Variants in SLC9A9 observed in about 807,000 individuals in gnomAD.
SLC9A9 encodes solute carrier family 9 member A9.
In SLC9A9, 62 loss-of-function variants were observed where a neutral mutation model predicts 77.8. The observed-to-expected ratio is 0.80, with a 90% CI of 0.65 to 0.98. SLC9A9 has a LOEUF of 0.98. Among genes scored for constraint, SLC9A9 ranks in the 50% least tolerant of loss-of-function variants. The pLI, the probability that SLC9A9 is intolerant of heterozygous loss-of-function variation, is 0.00. For missense variants in SLC9A9, 775 were observed against 774.9 expected, an observed-to-expected ratio of 1.00 and a Z score of 0.00; for synonymous variants, 320 against 283.5, an observed-to-expected ratio of 1.13 and a Z score of -1.29.
intron 5 of SLC9A9, among the ~76,000 whole-genome samples, chr3:143,653,457 G>A (rs1261256660): frequency 6.6e-6 from 1 of 152,148 alleles, no homozygotes; most frequent in African/African-American, 2.4e-5. Context: ...GGCAGAATGG[G>A]TATTTTTAAT....
chr3:143,368,380 A>C (rs2032964388), intron 13 of SLC9A9, among the ~76,000 whole-genome samples: 1 of 152,232 alleles, frequency 6.6e-6, no homozygotes, highest in Non-Finnish European at 1.5e-5. Flanking sequence ...TTATTGTATT[A>C]ACTTTGATGA....
intron 9 of SLC9A9, among the ~76,000 whole-genome samples, chr3:143,541,246 C>T (rs1412005451): frequency 6.6e-6 from 1 of 152,186 alleles, no homozygotes; most frequent in African/African-American, 2.4e-5. Flanking sequence ...GTTTCACTTG[C>T]TCTGGGCAAA....
At position 143,497,091 on chromosome 3, in the gene SLC9A9, G is replaced by C. The variant is rs574380765; in HGVS notation, c.1090-1643C>G. Among the ~76,000 whole-genome samples, 3 of 152,284 alleles carry C rather than the reference G, an allele frequency of 2.0e-5. No individual in the cohort carries two copies. In the South Asian group the frequency reaches 6.2e-4, roughly 32 times the overall value. On this transcript the variant is annotated intron_variant, in intron 9 of 15. Coordinates refer to ENST00000316549, the MANE Select transcript of SLC9A9 (RefSeq NM_173653.4). Reference sequence around the variant, plus strand: ...CCTCACCTCCAAATATCATCACAATGGGGATTAGAGCTTCAACATATGAAT... The same window carrying C: ...CCTCACCTCCAAATATCATCACAATCGGGATTAGAGCTTCAACATATGAAT...
chr3:143,328,207 T>G (rs1041456268), intron 14 of SLC9A9, among the ~76,000 whole-genome samples: 12 of 152,206 alleles, frequency 7.9e-5, no homozygotes, highest in African/African-American at 2.9e-4. Flanking sequence ...CGGCTAATAA[T>G]GTGTCAATAT....
intron 6 of SLC9A9, among the ~76,000 whole-genome samples, chr3:143,608,675 A>G (rs1477587428): frequency 6.6e-6 from 1 of 152,224 alleles, no homozygotes; most frequent in Admixed American, 6.5e-5. Context: ...CCATTTATGT[A>G]AAATTTTAAA....
At chr3:143,324,361 A>G (rs147383582) in intron 14 of SLC9A9, among the ~76,000 whole-genome samples, 4,306 of 152,326 alleles carry the variant, frequency 0.028, 77 homozygotes, top group South Asian at 0.041. Flanking sequence ...CTGTTGTGTC[A>G]GACCAATCTG....
intron 4 of SLC9A9, among the ~76,000 whole-genome samples, chr3:143,706,900 G>A (rs1933996269): frequency 6.6e-6 from 1 of 152,080 alleles, no homozygotes; most frequent in South Asian, 2.1e-4. Context: ...TGTGTCCCAG[G>A]GAAGCCAAAA....
chr3:143,571,629 T>TAA (rs11384128), intron 8 of SLC9A9, among the ~76,000 whole-genome samples: 35 of 151,284 alleles, frequency 2.3e-4, no homozygotes, highest in South Asian at 6.3e-4. Context: ...AAGCATGACT[T>TAA]AAAAAAAAAT....
intron 4 of SLC9A9, among the ~76,000 whole-genome samples, chr3:143,716,924 A>G (rs187729583): frequency 2.6e-5 from 4 of 152,276 alleles, no homozygotes; most frequent in Admixed American, 6.5e-5. Flanking sequence ...ACTGACCACA[A>G]CTCGTGAGAC....
At chr3:143,629,666 C>T (rs1357527174) in intron 6 of SLC9A9, among the ~76,000 whole-genome samples, 2 of 151,832 alleles carry the variant, frequency 1.3e-5, no homozygotes, top group African/African-American at 4.8e-5. Flanking sequence ...TGCCAAGACA[C>T]TCCATTTAAA....
chr3:143,317,931 G>A (rs961202340), intron 14 of SLC9A9, among the ~76,000 whole-genome samples: 3 of 152,140 alleles, frequency 2.0e-5, no homozygotes, highest in Non-Finnish European at 4.4e-5. Context: ...GTTTCACCGT[G>A]TTAGCCAGGA....
intron 1 of SLC9A9, among the ~76,000 whole-genome samples, chr3:143,837,742 G>C (rs56010653): frequency 0.079 from 11,975 of 152,200 alleles, 1,477 homozygotes; most frequent in African/African-American, 0.26. Flanking sequence ...ATGGGTATGT[G>C]ACCCTATTCC....
chr3:143,645,865 C>A (rs907040398), intron 6 of SLC9A9, among the ~76,000 whole-genome samples: 1 of 151,760 alleles, frequency 6.6e-6, no homozygotes, highest in African/African-American at 2.4e-5. Context: ...TTATTGTCAT[C>A]CAAGAGTCAG....
At chr3:143,467,708 G>A (rs1212638618) in intron 11 of SLC9A9, among the ~76,000 whole-genome samples, 1 of 137,440 alleles carries the variant, frequency 7.3e-6, no homozygotes, top group Non-Finnish European at 1.6e-5. Context: ...CTGAGTGACA[G>A]AATAAGTCCC....
chr3:143,275,859 C>A (rs918554014), intron 14 of SLC9A9, among the ~76,000 whole-genome samples: 1 of 152,114 alleles, frequency 6.6e-6, no homozygotes, highest in Non-Finnish European at 1.5e-5. Context: ...GACCTCTATT[C>A]GTTTCTATTA....
chr3:143,419,851 T>TAA (rs533977975), intron 12 of SLC9A9, among the ~76,000 whole-genome samples: 287 of 152,312 alleles, frequency 1.9e-3, no homozygotes, highest in African/African-American at 6.7e-3. Flanking sequence ...GGAGTCCTTT[T>TAA]AGTGTCTGAG....
chr3:143,619,718 A>G (rs1410026740), intron 6 of SLC9A9, among the ~76,000 whole-genome samples: 2 of 152,210 alleles, frequency 1.3e-5, no homozygotes, highest in Non-Finnish European at 2.9e-5. Flanking sequence ...GACCACCCAC[A>G]TGGACAGCAG....
intron 4 of SLC9A9, among the ~76,000 whole-genome samples, chr3:143,720,941 T>C (rs946766847): frequency 6.6e-6 from 1 of 151,874 alleles, no homozygotes; most frequent in Non-Finnish European, 1.5e-5. Flanking sequence ...AAGAACAAAG[T>C]CCAAGGCCTG....
chr3:143,413,333 T>C (rs1197214159), intron 12 of SLC9A9, among the ~76,000 whole-genome samples: 1 of 152,122 alleles, frequency 6.6e-6, no homozygotes, highest in Non-Finnish European at 1.5e-5. Flanking sequence ...TCAGGAAGTT[T>C]GAAAAGATGC....
Sources: gnomAD v4.1 joint callset for allele counts (sites outside exome capture counted in the v4.1 genomes callset) on GRCh38, gnomAD v4.1.1 for gene constraint, MANE v1.5 for transcripts, NCBI Gene and HGNC (gene_info 2026-07-23, HGNC 2026-07-21) for gene names.